The following CDH18 variants were observed in gnomAD, a reference collection of about 807,000 sequenced individuals.
CDH18 encodes cadherin-18.
Under a neutral mutation model 67.9 loss-of-function variants are expected in CDH18, and 31 were observed. The observed-to-expected ratio is 0.46, with a 90% confidence interval of 0.34 to 0.62. CDH18 has a LOEUF of 0.62. Ranked by LOEUF, CDH18 falls within the 20% of genes least tolerant of loss-of-function variation. The pLI, the probability that CDH18 is intolerant of heterozygous loss-of-function variation, is 0.01. For synonymous variants in CDH18, 362 were observed against 347.2 expected (o/e 1.04, Z -0.48); for missense variants, 890 against 975.5 (o/e 0.91, Z 1.17).
intron 5 of CDH18, among the ~76,000 whole-genome samples, chr5:19,614,454 C>T (rs1390110435): frequency 6.6e-6 from 1 of 151,676 alleles, no homozygotes; most frequent in African/African-American, 2.4e-5. Flanking sequence ...ATTAAAAAAA[C>T]AATGTTTTAT....
intron 3 of CDH18, among the ~76,000 whole-genome samples, chr5:19,794,652 T>C (rs1022955202): frequency 3.9e-5 from 6 of 152,154 alleles, no homozygotes; most frequent in Admixed American, 2.0e-4. Flanking sequence ...TGACCTATAA[T>C]GTGTGTAATA....
At chr5:20,145,619 C>A (rs565102314) in intron 2 of CDH18, among the ~76,000 whole-genome samples, 16 of 152,252 alleles carry the variant, frequency 1.1e-4, no homozygotes, top group Non-Finnish European at 1.6e-4. Flanking sequence ...TACCAAACAA[C>A]TGGGCACCAT....
At chr5:20,515,122 T>G (rs976504434) in intron 1 of CDH18, among the ~76,000 whole-genome samples, 1 of 152,026 alleles carries the variant, frequency 6.6e-6, no homozygotes, top group Non-Finnish European at 1.5e-5. Flanking sequence ...ATGTAAATAT[T>G]GTTGAATGCA....
At chr5:20,483,557 G>T (rs796470966) in intron 1 of CDH18, among the ~76,000 whole-genome samples, 6 of 151,466 alleles carry the variant, frequency 4.0e-5, no homozygotes, top group African/African-American at 1.5e-4. Context: ...CATGGTACTG[G>T]CATTAAAAGA....
At chr5:20,454,667 A>G (rs1750705804) in intron 1 of CDH18, among the ~76,000 whole-genome samples, 5 of 152,234 alleles carry the variant, frequency 3.3e-5, no homozygotes, top group Admixed American at 3.3e-4. Context: ...TGGCAGAGAC[A>G]TGAGACTCCT....
chr5:20,544,997 T>C (rs1285595063), intron 1 of CDH18, among the ~76,000 whole-genome samples: 1 of 152,172 alleles, frequency 6.6e-6, no homozygotes, highest in Non-Finnish European at 1.5e-5. Flanking sequence ...GGATAAATGC[T>C]CCTGTTCCAA....
chr5:20,362,302 G>GA lies in CDH18; in HGVS notation c.-579-106798dup, dbSNP rs370129335. On this transcript the variant is annotated intron_variant, in intron 1 of 14. Transcript: ENST00000507958. ...AATGCAAAATGGGACTGGGCTCAATGAAAAAAATGATTTTAGATGATAAAT... is the reference window on the plus strand; with the variant it reads ...AATGCAAAATGGGACTGGGCTCAATGAAAAAAAATGATTTTAGATGATAAAT... Among the ~76,000 whole-genome samples the GA allele has an allele frequency of 3.5e-4, 53 of 152,086 alleles. No homozygotes were observed. The South Asian group carries it at 8.7e-3, about 25-fold the overall frequency.
chr5:19,662,850 G>A (rs1446326965), intron 5 of CDH18, among the ~76,000 whole-genome samples: 3 of 151,962 alleles, frequency 2.0e-5, no homozygotes, highest in Non-Finnish European at 2.9e-5. Context: ...TACTACGTAC[G>A]TGCGAATAAT....
intron 1 of CDH18, among the ~76,000 whole-genome samples, chr5:20,352,770 G>A (rs1427973822): frequency 6.6e-6 from 1 of 151,958 alleles, no homozygotes; most frequent in Non-Finnish European, 1.5e-5. Flanking sequence ...TGTAGCCTGG[G>A]CGATAGAGAG....
At chr5:20,516,349 T>C (rs1755367229) in intron 1 of CDH18, among the ~76,000 whole-genome samples, 1 of 151,950 alleles carries the variant, frequency 6.6e-6, no homozygotes, top group Non-Finnish European at 1.5e-5. Flanking sequence ...TGGATAGGTT[T>C]TCATAATATT....
upstream of CDH18, among the ~76,000 whole-genome samples, chr5:19,992,190 T>G (rs534358433): frequency 3.2e-4 from 48 of 152,248 alleles, no homozygotes; most frequent in African/African-American, 1.0e-3. Flanking sequence ...ACTTTTTAGA[T>G]TTTTCTTCAA....
intron 1 of CDH18, among the ~76,000 whole-genome samples, chr5:20,329,124 C>G (rs1738912910): frequency 6.6e-6 from 1 of 152,192 alleles, no homozygotes; most frequent in South Asian, 2.1e-4. Flanking sequence ...GAGCTAATAG[C>G]TATAAACCAT....
At chr5:19,572,493 G>A (rs10079717) in intron 7 of CDH18, among the ~76,000 whole-genome samples, 5,693 of 152,210 alleles carry the variant, frequency 0.037, 307 homozygotes, top group African/African-American at 0.12. Flanking sequence ...TACATTAAGG[G>A]TCAATATCAT....
At chr5:20,276,796 G>A (rs941563758) in intron 1 of CDH18, among the ~76,000 whole-genome samples, 9 of 152,096 alleles carry the variant, frequency 5.9e-5, no homozygotes, top group Admixed American at 2.6e-4. Context: ...TGCCCTGAAC[G>A]GAGAGTCCCA....
intron 8 of CDH18, among the ~76,000 whole-genome samples, chr5:19,545,114 G>C (rs1420043568): frequency 6.6e-6 from 1 of 152,120 alleles, no homozygotes; most frequent in East Asian, 1.9e-4. Context: ...TATTTAAGGA[G>C]ATAAATATTC....
intron 2 of CDH18, among the ~76,000 whole-genome samples, chr5:20,037,044 C>A (rs1739936751): frequency 6.6e-6 from 1 of 151,972 alleles, no homozygotes; most frequent in African/African-American, 2.4e-5. Context: ...ATACAGCACA[C>A]CGATGGGTCT....
chr5:19,698,742 A>G (rs1303105555), intron 5 of CDH18, among the ~76,000 whole-genome samples: 2 of 152,096 alleles, frequency 1.3e-5, no homozygotes, highest in African/African-American at 4.8e-5. Flanking sequence ...GAGAGAAAAG[A>G]TGTGGAAGAG....
At position 19,472,968 on chromosome 5, in the gene CDH18, C is replaced by A. The variant is rs1737784432; in HGVS notation, c.*258G>T. 3 of 385,630 alleles carry A rather than the reference C, an allele frequency of 7.8e-6. No homozygotes were observed. The highest frequency in any genetic ancestry group is 4.7e-6 in the Non-Finnish European group (1 of 214,032). The allele number at this position is 385,630 out of a possible 1,614,324, so 23.9% of individuals were successfully genotyped here. ...TTCAGGTATTCTTAATAAACAGTACCACAGACTTTATTGAGCAATTGAAAA... is the reference window on the plus strand; with the variant it reads ...TTCAGGTATTCTTAATAAACAGTACAACAGACTTTATTGAGCAATTGAAAA... On this transcript the variant is annotated 3_prime_UTR_variant, in exon 13 of 13. Transcript: ENST00000382275.
In CDH18 at chr5:20,413,561, A is replaced by C. The variant is rs961742562; in HGVS notation, c.-579-158056T>G. On this transcript the variant is annotated intron_variant, in intron 1 of 14. Transcript: ENST00000507958. The stretch of plus-strand genomic sequence containing the variant: ...TTTGATTTGCATTTCTCTGACGACC[A>C]GTGATGATGAGCATTTTTTCATGTG... 5.9e-5 allele frequency among the ~76,000 whole-genome samples: 9 copies of C among 152,314 alleles called. No individual in the cohort carries two copies. In the South Asian group the frequency reaches 1.9e-3, roughly 32 times the overall value.
Sources: gnomAD v4.1 joint callset for allele counts (sites outside exome capture counted in the v4.1 genomes callset) on GRCh38, gnomAD v4.1.1 for gene constraint, MANE v1.5 for transcripts, NCBI Gene and HGNC (gene_info 2026-07-23, HGNC 2026-07-21) for gene names.